The following SMYD3 variants were observed in gnomAD, a reference collection of about 807,000 sequenced individuals.
SMYD3 encodes histone-lysine N-methyltransferase SMYD3.
In SMYD3, 36 loss-of-function variants were observed where a neutral mutation model predicts 57.7. That is an observed-to-expected ratio of 0.62 (90% CI 0.48 to 0.82). SMYD3 has a LOEUF of 0.82. SMYD3 is among the 40% of genes least tolerant of loss of function. SMYD3 has a pLI of 0.00. For missense variants in SMYD3, 515 were observed against 538.8 expected, an observed-to-expected ratio of 0.96 and a Z score of 0.44; for synonymous variants, 211 against 195.0, an observed-to-expected ratio of 1.08 and a Z score of -0.68.
At position 246,389,726 on chromosome 1, in the gene SMYD3, T is replaced by G. The variant is rs370407824; in HGVS notation, c.165-34632A>C. ...TGTAGAAAGCATTCATTCTTGAAAA[T>G]CACCTCGAGGTTGAAGTCAGTTTCT... On this transcript the variant is annotated intron_variant, in intron 1 of 11. Coordinates refer to ENST00000490107, the MANE Select transcript of SMYD3 (RefSeq NM_001167740.2). Among the ~76,000 whole-genome samples the G allele has an allele frequency of 8.7e-4, 67 of 76,690 alleles. 5 individuals are homozygous for G. The South Asian group carries it at 0.042, about 48-fold the overall frequency. The allele number at this position is 76,690 out of a possible 152,430, so 50.3% of individuals were successfully genotyped here.
intron 8 of SMYD3, among the ~76,000 whole-genome samples, chr1:245,886,812 G>A (rs1010976012): frequency 6.6e-6 from 1 of 152,088 alleles, no homozygotes; most frequent in Non-Finnish European, 1.5e-5. Flanking sequence ...CGGGTCGAAA[G>A]GCCAACCTCA....
At chr1:246,073,815 A>G (rs1219077675) in intron 5 of SMYD3, among the ~76,000 whole-genome samples, 1 of 152,196 alleles carries the variant, frequency 6.6e-6, no homozygotes, top group African/African-American at 2.4e-5. Context: ...TCTCAAGATT[A>G]TGGTCCAAAC....
At chr1:246,050,384 A>C (rs1294533165) in intron 5 of SMYD3, among the ~76,000 whole-genome samples, 1 of 152,206 alleles carries the variant, frequency 6.6e-6, no homozygotes, top group Non-Finnish European at 1.5e-5. Context: ...CATCCATAAA[A>C]GGTTGGGCAA....
chr1:245,887,139 A>G (rs927772929), intron 8 of SMYD3, among the ~76,000 whole-genome samples: 6 of 152,132 alleles, frequency 3.9e-5, no homozygotes, highest in Admixed American at 6.5e-5. Context: ...GGAAGTTACC[A>G]CAAGTAACAG....
intron 1 of SMYD3, among the ~76,000 whole-genome samples, chr1:246,359,153 A>G (rs1465318352): frequency 1.3e-5 from 2 of 152,230 alleles, no homozygotes; most frequent in Non-Finnish European, 2.9e-5. Context: ...CCACAGAAAT[A>G]CAAAAGTTTA....
At chr1:245,861,658 T>C (rs1175117094) in intron 9 of SMYD3, among the ~76,000 whole-genome samples, 1 of 152,200 alleles carries the variant, frequency 6.6e-6, no homozygotes, top group African/African-American at 2.4e-5. Flanking sequence ...TCATTCCTTG[T>C]GTTGGATGCC....
At chr1:246,377,456 G>A (rs2066298468) in intron 1 of SMYD3, among the ~76,000 whole-genome samples, 2 of 147,844 alleles carry the variant, frequency 1.4e-5, no homozygotes, top group Non-Finnish European at 3.0e-5. Flanking sequence ...CACAAACTCC[G>A]CCTCCCGGGT....
At chr1:246,384,434 C>A (rs867093535) in intron 1 of SMYD3, among the ~76,000 whole-genome samples, 1 of 151,650 alleles carries the variant, frequency 6.6e-6, no homozygotes, top group Admixed American at 6.6e-5. Context: ...CTCACTCTGT[C>A]GCCCAAGCTA....
chr1:245,995,454 A>C (rs1274374627), intron 5 of SMYD3, among the ~76,000 whole-genome samples: 2 of 152,272 alleles, frequency 1.3e-5, no homozygotes, highest in African/African-American at 4.8e-5. Flanking sequence ...TTAAACAGGT[A>C]ATTTATGCCA....
intron 8 of SMYD3, among the ~76,000 whole-genome samples, chr1:245,910,445 C>T (rs968337625): frequency 1.3e-5 from 2 of 151,942 alleles, no homozygotes; most frequent in South Asian, 2.1e-4. Context: ...AAAGGCAATC[C>T]GGAAATTCAT....
In SMYD3 at chr1:245,821,032, T is replaced by C. The variant is rs529458754; in HGVS notation, c.1076+37464A>G. Among the ~76,000 whole-genome samples, 29 of 150,912 alleles carry C rather than the reference T, an allele frequency of 1.9e-4. 1 individual carries two copies. Among genetic ancestry groups the C allele is most frequent in the Admixed American group, 1.5e-3 (22 of 15,152 alleles). ...GCTACCAATGCCTTTCTTCACAGAA[T>C]TGGAAAAAAACTACTTTAAAGTTCA... On this transcript the variant is annotated intron_variant, in intron 10 of 11. Coordinates refer to ENST00000490107, the MANE Select transcript of SMYD3 (RefSeq NM_001167740.2).
chr1:246,034,605 C>G (rs2059735898), intron 5 of SMYD3: 1 of 152,658 alleles, frequency 6.6e-6, no homozygotes, highest in African/African-American at 2.4e-5. Context: ...AACAGACCAT[C>G]AGTGCAAAAA....
At chr1:246,373,580 G>T (rs145339190) in intron 1 of SMYD3, among the ~76,000 whole-genome samples, 1 of 152,164 alleles carries the variant, frequency 6.6e-6, no homozygotes, top group African/African-American at 2.4e-5. Context: ...AAATCTAATA[G>T]TTCTGGATTT....
intron 1 of SMYD3, among the ~76,000 whole-genome samples, chr1:246,377,177 A>C (rs1454880865): frequency 1.3e-5 from 2 of 152,126 alleles, no homozygotes; most frequent in Non-Finnish European, 2.9e-5. Flanking sequence ...AAAATAACTA[A>C]ATTTTTCAAA....
At chr1:246,070,298 T>G (rs906692524) in intron 5 of SMYD3, among the ~76,000 whole-genome samples, 1 of 152,212 alleles carries the variant, frequency 6.6e-6, no homozygotes, top group Non-Finnish European at 1.5e-5. Context: ...GTGAGTTTAA[T>G]TCTCAAAGGA....
chr1:246,298,266 A>G (rs1278668870), intron 5 of SMYD3, among the ~76,000 whole-genome samples: 1 of 151,824 alleles, frequency 6.6e-6, no homozygotes, highest in East Asian at 1.9e-4. Context: ...TTACAGCAGG[A>G]AAAAAAGAAT....
chr1:246,453,321 A>C (rs1201624011), intron 1 of SMYD3, among the ~76,000 whole-genome samples: 1 of 152,248 alleles, frequency 6.6e-6, no homozygotes, highest in Non-Finnish European at 1.5e-5. Context: ...CCATATATGC[A>C]GATGATATGA....
intron 5 of SMYD3, among the ~76,000 whole-genome samples, chr1:245,980,822 G>A (rs1291850651): frequency 2.0e-5 from 3 of 152,202 alleles, no homozygotes; most frequent in Admixed American, 2.0e-4. Flanking sequence ...CAGTGGATTG[G>A]CATTGTCTAG....
intron 5 of SMYD3, among the ~76,000 whole-genome samples, chr1:246,265,452 T>G (rs749998102): frequency 2.0e-5 from 3 of 152,200 alleles, no homozygotes; most frequent in Non-Finnish European, 2.9e-5. Flanking sequence ...CTTCGTTTTT[T>G]TTGTTGTTGT....
Sources: allele counts gnomAD v4.1 joint callset (sites outside exome capture counted in the v4.1 genomes callset), GRCh38; gene constraint gnomAD v4.1.1; transcripts MANE v1.5; gene names NCBI Gene and HGNC (gene_info 2026-07-23, HGNC 2026-07-21).